Variants in PPP6R1 observed in about 807,000 individuals in gnomAD.
The protein encoded by PPP6R1 is protein phosphatase 6 regulatory subunit 1, also known as serine/threonine-protein phosphatase 6 regulatory subunit 1.
PPP6R1 carries 39 observed loss-of-function variants against 104.6 expected under a neutral mutation model. That is an observed-to-expected ratio of 0.37 (90% CI 0.29 to 0.49). The LOEUF is 0.49. Ranked by LOEUF, PPP6R1 falls within the 20% of genes least tolerant of loss-of-function variation. The probability of loss-of-function intolerance (pLI) is 0.98; values close to 1 mark genes in which losing one functional copy is unlikely to be tolerated. For synonymous variants in PPP6R1, 549 were observed against 479.0 expected (o/e 1.15, Z -1.91); for missense variants, 1,181 against 1,155.8 (o/e 1.02, Z -0.32).
chr19:55,250,192 A>G (rs78303983), intron 1 of PPP6R1, among the ~76,000 whole-genome samples: 8,245 of 152,144 alleles, frequency 0.054, 638 homozygotes, highest in African/African-American at 0.17. Flanking sequence ...TGCGCTGACT[A>G]CTCTGAAAAG....
chr19:55,245,361 C>T lies in PPP6R1; in HGVS notation c.456G>A (p.Leu152=). 6.2e-7 allele frequency: 1 copy of T among 1,613,072 alleles called. No individual in the cohort carries two copies. Among genetic ancestry groups the T allele is most frequent in the South Asian group, 1.1e-5 (1 of 90,888 alleles). Residue 152 remains leucine, a synonymous_variant, in exon 4 of 24, where the codon CTG becomes CTA. Transcript: ENST00000412770. This position sits in a 1 kb window ranked among gnomAD's most constrained non-coding sequence, Gnocchi z 6.4. ...FLRKKDDFVD[L]LLQHIGTSAI... Reference sequence around the variant, plus strand: ...CCGAGGTGCCAATGTGCTGCAGCAGCAGGTCCACGAAGTCATCCTTCTTCC... The same window carrying T: ...CCGAGGTGCCAATGTGCTGCAGCAGTAGGTCCACGAAGTCATCCTTCTTCC...
chr19:55,235,888 G>C (rs12977766), intron 17 of PPP6R1, among the ~76,000 whole-genome samples: 17,073 of 145,626 alleles, frequency 0.12, 1,094 homozygotes, highest in Middle Eastern at 0.17. Flanking sequence ...ACCCAGACTG[G>C]AGTGCAGTGG....
chr19:55,253,535 C>T (rs1000499245), intron 1 of PPP6R1, among the ~76,000 whole-genome samples: 3 of 152,192 alleles, frequency 2.0e-5, no homozygotes, highest in Non-Finnish European at 4.4e-5. Context: ...TGCACGGCAT[C>T]CAAGAACTTC....
Position 55,231,985 on chromosome 19 carries a change from G to A in PPP6R1, c.2126-3C>T. The A allele has an allele frequency of 6.2e-7, 1 of 1,602,712 alleles. No homozygotes were observed. Among genetic ancestry groups the A allele is most frequent in the South Asian group, 1.1e-5 (1 of 90,252 alleles). ...AAAGGTGGCTGTCCAGCTGGGGCCT[G>A]GGATAGAGGTGGGGGAGCGGGATGG... is the stretch of plus-strand genomic sequence containing the variant. On this transcript the variant is annotated splice_polypyrimidine_tract_variant and splice_region_variant and intron_variant, in intron 18 of 23. Transcript: ENST00000412770.
chr19:55,242,796 A>G (rs1384579316), intron 5 of PPP6R1, among the ~76,000 whole-genome samples: 2 of 152,238 alleles, frequency 1.3e-5, no homozygotes, highest in Non-Finnish European at 2.9e-5. Flanking sequence ...GAATATGCCC[A>G]AGCTGGTCTA....
chr19:55,239,532 G>T, intron 14 of PPP6R1, 30 bp from the exon 15 acceptor site: 1 of 1,612,038 alleles, frequency 6.2e-7, no homozygotes. Flanking sequence ...AGGGCTGGAG[G>T]GAGTTGGGCA....
At chr19:55,254,196 A>T (rs1316687182) in intron 1 of PPP6R1, among the ~76,000 whole-genome samples, 1 of 152,166 alleles carries the variant, frequency 6.6e-6, no homozygotes, top group African/African-American at 2.4e-5. Context: ...CGCCACCCCC[A>T]TTCTTTGCAA....
chr19:55,240,013 C>T lies in PPP6R1; in HGVS notation c.1463G>A (p.Arg488Gln), dbSNP rs773838203. 9 of 1,603,712 alleles carry T rather than the reference C, an allele frequency of 5.6e-6. 1 individual carries two copies. Among genetic ancestry groups the T allele is most frequent in the Middle Eastern group, 1.6e-4 (1 of 6,072 alleles). Residue 488 changes from arginine (R) to glutamine (Q), a missense_variant, in exon 12 of 24, where the codon CGG becomes CAG. Physicochemically the swap from Arg to Gln is conservative, Grantham distance 43. Transcript: ENST00000412770. ...TEKGPNAEQL[R>Q]QLLKELPSEQ... ...GGGACCCTCACCCTTCAGCAGCTGC[C>T]GCAGCTGCTCTGCATTGGGCCCCTT...
At chr19:55,254,476 T>A (rs1307191100) in intron 1 of PPP6R1, among the ~76,000 whole-genome samples, 2 of 152,056 alleles carry the variant, frequency 1.3e-5, no homozygotes, top group African/African-American at 4.8e-5. Context: ...GGACAGGCAC[T>A]AACTGCGGCT....
downstream of PPP6R1, chr19:55,228,640 G>C: frequency 6.3e-7 from 1 of 1,587,750 alleles, no homozygotes; most frequent in Non-Finnish European, 8.6e-7. Context: ...GGCTGCTGGG[G>C]TTCCAGGGCC....
In PPP6R1 at chr19:55,231,882, TG is replaced by T; in HGVS notation, c.2225del (p.Pro742HisfsTer176). The T allele has an allele frequency of 6.6e-7, 1 of 1,508,156 alleles. No individual in the cohort carries two copies. The highest frequency in any genetic ancestry group is 8.9e-7 in the Non-Finnish European group (1 of 1,128,122). 93.4% of individuals were successfully genotyped at this position (1,508,156 alleles called of 1,614,324 possible). ...CCTGGGGCACACTGAGGGGCCCCTG[TG>T]GGGCTGGAGGCCCAGTGTGCAGCTC... ...EEELHTGPPA[P>X]QGPLSVPQGL... On this transcript the variant is annotated frameshift_variant, in exon 19 of 24. Transcript: ENST00000412770. LOFTEE classifies it high-confidence loss of function.
At chr19:55,246,548 G>A (rs902095747) in intron 2 of PPP6R1, among the ~76,000 whole-genome samples, 1 of 152,112 alleles carries the variant, frequency 6.6e-6, no homozygotes, top group Admixed American at 6.6e-5. Flanking sequence ...AAAAGGCGGC[G>A]AATAAAGAGA....
At position 55,241,789 on chromosome 19, in the gene PPP6R1, A is replaced by G. The variant is rs2087460494; in HGVS notation, c.846-150T>C. 9.5e-7 allele frequency: 1 copy of G among 1,055,302 alleles called. No homozygotes were observed. The highest frequency in any genetic ancestry group is 1.7e-5 in the South Asian group (1 of 58,046). 65.4% of individuals were successfully genotyped at this position (1,055,302 alleles called of 1,614,324 possible). ...GCTCTCTTCTGAGGCCCTTCAGACAACACCTGGCTGGGGTGGGGAGCCCGC... is the reference window on the plus strand; with the variant it reads ...GCTCTCTTCTGAGGCCCTTCAGACAGCACCTGGCTGGGGTGGGGAGCCCGC... On this transcript the variant is annotated intron_variant, in intron 7 of 23. Coordinates refer to ENST00000412770, the MANE Select transcript of PPP6R1 (RefSeq NM_014931.4). This position sits in a 1 kb window ranked among gnomAD's most constrained non-coding sequence, Gnocchi z 5.4.
At chr19:55,235,354 TGA>T (rs1479220060) in intron 17 of PPP6R1, among the ~76,000 whole-genome samples, 1 of 151,866 alleles carries the variant, frequency 6.6e-6, no homozygotes, top group African/African-American at 2.4e-5. Flanking sequence ...GGAAAACGTG[TGA>T]GAGCTAACAC....
chr19:55,240,810 C>T (rs1383283386), intron 10 of PPP6R1, 135 bp downstream of exon 10: 4 of 1,285,858 alleles, frequency 3.1e-6, no homozygotes, highest in Non-Finnish European at 4.2e-6. Context: ...GCCTCCCACA[C>T]CCCATCTGGG....
Position 55,241,527 on chromosome 19 carries a change from G to A in PPP6R1, c.958C>T (p.Leu320=), listed in dbSNP as rs373467510. Reference sequence around the variant, plus strand: ...TGGAAGCAGCTGAGCCGCGGGCGTAGGGCGTGCAAGGCGCCCACACTGGAC... The same window carrying A: ...TGGAAGCAGCTGAGCCGCGGGCGTAAGGCGTGCAAGGCGCCCACACTGGAC... The part of the protein sequence containing the change: ...TVSSVGALHA[L]RPRLSCFHQL... The change falls in exon 8 of 24, where the codon CTA becomes TTA. Residue 320 remains leucine, a synonymous_variant. Coordinates refer to ENST00000412770, the MANE Select transcript of PPP6R1 (RefSeq NM_014931.4). The surrounding 1 kb of genome is among the most constrained non-coding windows in gnomAD (Gnocchi z 5.4). 8.2e-6 allele frequency: 13 copies of A among 1,582,908 alleles called. No individual in the cohort carries two copies. Among genetic ancestry groups the A allele is most frequent in the Non-Finnish European group, 1.1e-5 (13 of 1,165,526 alleles).
At chr19:55,240,390 G>C (rs2087441892) in intron 10 of PPP6R1, 90 bp from the exon 11 acceptor site, 1 of 1,311,112 alleles carries the variant, frequency 7.6e-7, no homozygotes, top group East Asian at 2.5e-5. Flanking sequence ...TTCCTCAGCA[G>C]ATGCTTCACC....
intron 1 of PPP6R1, among the ~76,000 whole-genome samples, chr19:55,250,327 G>A (rs1262211482): frequency 2.0e-5 from 3 of 152,232 alleles, no homozygotes. Flanking sequence ...GGGTTGGCGG[G>A]CAGTGAAGCT....
At chr19:55,238,586 C>T (rs1250205263) in intron 15 of PPP6R1, 1 of 152,460 alleles carries the variant, frequency 6.6e-6, no homozygotes, top group African/African-American at 2.4e-5. Flanking sequence ...CCTCCGCCTC[C>T]CAGGTTCAAG....
Sources: gnomAD v4.1 joint callset for allele counts (sites outside exome capture counted in the v4.1 genomes callset) on GRCh38, gnomAD v4.1.1 for gene constraint, Gnocchi (gnomAD v3.1) non-coding constraint, MANE v1.5 for transcripts, NCBI Gene and HGNC (gene_info 2026-07-23, HGNC 2026-07-21) for gene names.